The following BAZ1B variants were observed in gnomAD, a reference collection of about 807,000 sequenced individuals.
BAZ1B encodes tyrosine-protein kinase BAZ1B.
BAZ1B carries 22 observed loss-of-function variants against 153.8 expected under a neutral mutation model. The ratio of observed to expected loss-of-function variants is 0.14; its 90% CI spans 0.10 to 0.20. BAZ1B has a LOEUF of 0.20. BAZ1B is among the 10% of genes least tolerant of loss of function. The pLI, the probability that BAZ1B is intolerant of heterozygous loss-of-function variation, is 1.00. For synonymous variants in BAZ1B, 676 were observed against 633.4 expected (o/e 1.07, Z -1.01); for missense variants, 1,325 against 1,799.3 (o/e 0.74, Z 4.77).
chr7:73,470,397 C>A lies in BAZ1B; in HGVS notation c.2680G>T (p.Ala894Ser). 1 of 1,614,080 alleles carries A rather than the reference C, an allele frequency of 6.2e-7. No homozygotes were observed. The highest frequency in any genetic ancestry group is 8.5e-7 in the Non-Finnish European group (1 of 1,180,018). ...GGAGTCCTGCGCATGACTAGTTTGG[C>A]CTTGGCAATCCCTTCCTGGAAAGCT... ...EKAFQEGIAK[A>S]KLVMRRTPIG... Residue 894 changes from alanine (A) to serine (S), a missense_variant, in exon 8 of 20, where the codon GCC becomes TCC. Transcript: ENST00000339594.
At chr7:73,471,269 C>A (rs782771015) in intron 7 of BAZ1B, among the ~76,000 whole-genome samples, 1 of 152,192 alleles carries the variant, frequency 6.6e-6, no homozygotes, top group Admixed American at 6.5e-5. Flanking sequence ...TGAAAAGCAA[C>A]AGCAGGGACG....
intron 5 of BAZ1B, 68 bp downstream of exon 5, chr7:73,492,732 C>T: frequency 6.9e-7 from 1 of 1,451,446 alleles, no homozygotes. Context: ...TTTTCTCCAA[C>T]AAAAGCAACC....
chr7:73,512,631 G>T (rs1360005900), intron 1 of BAZ1B, among the ~76,000 whole-genome samples: 1 of 152,140 alleles, frequency 6.6e-6, no homozygotes, highest in Non-Finnish European at 1.5e-5. Context: ...CCATCAGCCA[G>T]CCACTTCCAA....
At chr7:73,442,112 G>T (rs1320372479) in intron 19 of BAZ1B, 69 bp downstream of exon 19, 10 of 1,065,630 alleles carry the variant, frequency 9.4e-6, no homozygotes, top group Middle Eastern at 3.1e-4. Flanking sequence ...ATCTCTTCCA[G>T]GTTCTTGGTC....
chr7:73,497,135 T>TG, intron 4 of BAZ1B, among the ~76,000 whole-genome samples: 1 of 148,652 alleles, frequency 6.7e-6, no homozygotes, highest in African/African-American at 2.5e-5. Flanking sequence ...CCCAGCTACT[T>TG]GGGAAGCTGA....
At chr7:73,506,925 C>A (rs1411754753) in intron 3 of BAZ1B, among the ~76,000 whole-genome samples, 5 of 136,022 alleles carry the variant, frequency 3.7e-5, no homozygotes, top group African/African-American at 1.4e-4. Flanking sequence ...GTCCCCCAGG[C>A]TGGAGTGCAG....
chr7:73,449,185 G>A (rs1787942315), intron 15 of BAZ1B, among the ~76,000 whole-genome samples: 1 of 152,206 alleles, frequency 6.6e-6, no homozygotes, highest in South Asian at 2.1e-4. Context: ...GTATCGGTAA[G>A]GAAGGTAATG....
chr7:73,456,556 A>G (rs1314382145), intron 13 of BAZ1B, among the ~76,000 whole-genome samples: 4 of 152,238 alleles, frequency 2.6e-5, no homozygotes, highest in African/African-American at 9.6e-5. Context: ...GATGCTCAAC[A>G]TCATAAATCA....
Position 73,465,429 on chromosome 7 carries a change from A to T in BAZ1B, c.3071+10T>A. On this transcript the variant is annotated intron_variant, in intron 11 of 19. Transcript: ENST00000339594. ...AGTAAGATGTGAGGAGTAAGATGAA[A>T]ACCTCTTACCTCTTCTCTAGTCTCT... is the stretch of plus-strand genomic sequence containing the variant. 1.9e-6 allele frequency: 3 copies of T among 1,541,776 alleles called. No homozygotes were observed. The South Asian group carries it at 3.6e-5, about 19-fold the overall frequency.
chr7:73,498,425 C>T lies in BAZ1B; in HGVS notation c.571+72G>A. The stretch of plus-strand genomic sequence containing the variant: ...ATCACACATTTAGTTGCTAGAGAAC[C>T]CTAAAAGATGTGTTCATAATAAAAT... On this transcript the variant is annotated intron_variant, in intron 4 of 19. Coordinates refer to ENST00000339594, the MANE Select transcript of BAZ1B (RefSeq NM_032408.4). 5.0e-6 allele frequency: 7 copies of T among 1,414,104 alleles called. No homozygotes were observed. The South Asian group carries it at 8.4e-5, about 17-fold the overall frequency. 87.6% of individuals were successfully genotyped at this position (1,414,104 alleles called of 1,614,324 possible).
At chr7:73,480,417 C>T (rs546249962) in intron 6 of BAZ1B, among the ~76,000 whole-genome samples, 3 of 152,064 alleles carry the variant, frequency 2.0e-5, no homozygotes, top group East Asian at 1.9e-4. Context: ...AAAGAAAAAC[C>T]AAACTCTTTG....
intron 17 of BAZ1B, among the ~76,000 whole-genome samples, chr7:73,443,301 C>T (rs782009278): frequency 3.2e-4 from 49 of 152,274 alleles, no homozygotes; most frequent in South Asian, 4.2e-4. Context: ...CAATTCCCTT[C>T]CTGGGCTCTT....
At chr7:73,448,777 C>G (rs1319427192) in intron 15 of BAZ1B, among the ~76,000 whole-genome samples, 1 of 152,080 alleles carries the variant, frequency 6.6e-6, no homozygotes, top group Non-Finnish European at 1.5e-5. Context: ...TAATAAAAAC[C>G]CAAGCTGGTA....
rs191602683 is a variant in BAZ1B, at chr7:73,484,006, G to C, written c.891+5188C>G. Among the ~76,000 whole-genome samples, 695 of 152,252 alleles carry C rather than the reference G, an allele frequency of 4.6e-3. 6 individuals carry two copies. Among genetic ancestry groups the C allele is most frequent in the Admixed American group, 8.5e-3 (130 of 15,276 alleles). On this transcript the variant is annotated intron_variant, in intron 6 of 19. Coordinates refer to ENST00000339594, the MANE Select transcript of BAZ1B (RefSeq NM_032408.4). ...AATCAGGCCGGGTGTGGTGGCTCAT[G>C]CCTGTAATCCCAGCACTTTGGGAGG...
chr7:73,511,747 G>A (rs1790587099), intron 1 of BAZ1B, among the ~76,000 whole-genome samples: 1 of 151,342 alleles, frequency 6.6e-6, no homozygotes, highest in African/African-American at 2.4e-5. Flanking sequence ...ACTGCCAGGC[G>A]TGGTGGCTCA....
intron 8 of BAZ1B, 29 bp from the exon 9 acceptor site, chr7:73,469,679 CAG>C: frequency 6.2e-7 from 1 of 1,612,320 alleles, no homozygotes. Flanking sequence ...ATTAATAAGA[CAG>C]TGAATAGATC....
At chr7:73,489,687 G>A (rs1554575182) in intron 5 of BAZ1B, among the ~76,000 whole-genome samples, 1 of 152,124 alleles carries the variant, frequency 6.6e-6, no homozygotes, top group Non-Finnish European at 1.5e-5. Flanking sequence ...TAGCTATTTG[G>A]GAGGCTGAAG....
chr7:73,507,942 G>A (rs529760901), intron 3 of BAZ1B, among the ~76,000 whole-genome samples: 7 of 152,106 alleles, frequency 4.6e-5, no homozygotes, highest in Admixed American at 6.5e-5. Flanking sequence ...ATCATCTGAA[G>A]TCAGGAGTTT....
intron 1 of BAZ1B, among the ~76,000 whole-genome samples, chr7:73,516,244 G>C (rs948173524): frequency 5.9e-5 from 9 of 152,118 alleles, no homozygotes; most frequent in Non-Finnish European, 8.8e-5. Context: ...TCAAGCTTCT[G>C]GGTTTAAGGA....
Sources: allele counts gnomAD v4.1 joint callset (sites outside exome capture counted in the v4.1 genomes callset), GRCh38; gene constraint gnomAD v4.1.1; transcripts MANE v1.5; gene names NCBI Gene and HGNC (gene_info 2026-07-23, HGNC 2026-07-21).